Variants in TLE1 observed in about 807,000 individuals in gnomAD.
TLE1 encodes transducin-like enhancer protein 1.
A neutral mutation model predicts 89.8 loss-of-function variants in TLE1; 21 were observed. The ratio of observed to expected loss-of-function variants is 0.23; its 90% confidence interval spans 0.17 to 0.34. The LOEUF (loss-of-function observed/expected upper bound fraction) is 0.34, where lower values mean the gene tolerates loss of function less well. TLE1 is among the 10% of genes least tolerant of loss of function. The pLI is 1.00. For synonymous variants in TLE1, 447 were observed against 407.6 expected (o/e 1.10, Z -1.16); for missense variants, 795 against 1,031.2 (o/e 0.77, Z 3.14).
At chr9:81,659,822 A>C (rs116744195) in intron 4 of TLE1, among the ~76,000 whole-genome samples, 5,010 of 152,184 alleles carry the variant, frequency 0.033, 250 homozygotes, top group African/African-American at 0.1. Context: ...TCTACTTGAG[A>C]GTTTCATCAA....
chr9:81,591,945 C>T (rs1266752547), intron 15 of TLE1, among the ~76,000 whole-genome samples: 1 of 152,208 alleles, frequency 6.6e-6, no homozygotes, highest in Non-Finnish European at 1.5e-5. Context: ...GGGTACGTGG[C>T]ACCATCTGCA....
At chr9:81,634,323 G>A in intron 6 of TLE1, 22 bp from the exon 7 acceptor site, 1 of 1,463,078 alleles carries the variant, frequency 6.8e-7, no homozygotes, top group Admixed American at 2.3e-5. Flanking sequence ...GGTGGTGAGA[G>A]AGAAAAAGGA....
chr9:81,651,483 T>A (rs762008562), intron 6 of TLE1, among the ~76,000 whole-genome samples: 3 of 151,998 alleles, frequency 2.0e-5, no homozygotes, highest in Admixed American at 6.5e-5. Context: ...AGAACCCCGG[T>A]GAAAAGCCAG....
At chr9:81,627,177 G>T (rs1274586527) in intron 8 of TLE1, among the ~76,000 whole-genome samples, 4 of 152,014 alleles carry the variant, frequency 2.6e-5, no homozygotes, top group Non-Finnish European at 5.9e-5. Context: ...AGAGTTTGTT[G>T]TCCACCTATG....
intron 8 of TLE1, among the ~76,000 whole-genome samples, chr9:81,621,889 T>C (rs529761580): frequency 6.6e-6 from 1 of 152,288 alleles, no homozygotes; most frequent in South Asian, 2.1e-4. Flanking sequence ...CTTTTATTCA[T>C]GACTGTTCAA....
In TLE1 at chr9:81,585,647, G is replaced by A; in HGVS notation, c.1986C>T (p.Ser662=). The A allele has an allele frequency of 4.3e-6, 7 of 1,613,834 alleles. No individual in the cohort carries two copies. Among genetic ancestry groups the A allele is most frequent in the Non-Finnish European group, 5.1e-6 (6 of 1,179,932 alleles). The part of the protein sequence containing the change: ...QQHDFTSQIF[S]LGYCPTGEWL... The stretch of plus-strand genomic sequence containing the variant: ...ACTCCCCGGTGGGGCAGTACCCCAG[G>A]GAGAAGATCTACAAGGAGCAAGACA... Residue 662 remains serine (S), a synonymous_variant, in exon 18 of 20, where the codon TCC becomes TCT. Transcript: ENST00000376499.
At chr9:81,613,294 A>G (rs1298662327) in intron 12 of TLE1, 83 bp downstream of exon 12, 1 of 1,548,568 alleles carries the variant, frequency 6.5e-7, no homozygotes. Flanking sequence ...TTGTAGGGCA[A>G]TTGCGTCACA....
At chr9:81,611,735 T>C in intron 13 of TLE1, 34 bp downstream of exon 13, 1 of 1,468,724 alleles carries the variant, frequency 6.8e-7, no homozygotes, top group Non-Finnish European at 9.0e-7. Flanking sequence ...GCAGCGTTCC[T>C]ACCCCAACCA....
chr9:81,652,841 T>C (rs534875711), intron 5 of TLE1, among the ~76,000 whole-genome samples: 17 of 152,296 alleles, frequency 1.1e-4, no homozygotes, highest in African/African-American at 3.8e-4. Context: ...AATCCGTTGA[T>C]TGGTTGATCA....
rs1381887440 is a variant in TLE1, at chr9:81,689,097, G to GGCCGGACCGGCCGC, written c.-871_-858dup. 3.3e-5 allele frequency: 5 copies of GGCCGGACCGGCCGC among 152,208 alleles called. No homozygotes were observed. Among genetic ancestry groups the GGCCGGACCGGCCGC allele is most frequent in the African/African-American group, 1.2e-4 (5 of 41,436 alleles). The allele number at this position is 152,208 out of a possible 1,614,324, so 9.4% of individuals were successfully genotyped here. A position where few individuals can be genotyped will look rare whatever the true frequency, so the allele number is the denominator to read the frequency against. ...CGCCTCGGGCGCACTCGCCCTGCAC[G>GGCCGGACCGGCCGC]GCCGGACCGGCCGCTCCGGACCCTT... On this transcript the variant is annotated 5_prime_UTR_variant, in exon 1 of 20. Coordinates refer to ENST00000376499, the MANE Select transcript of TLE1 (RefSeq NM_005077.5).
chr9:81,662,063 T>G (rs1830864519), intron 4 of TLE1, among the ~76,000 whole-genome samples: 1 of 152,092 alleles, frequency 6.6e-6, no homozygotes, highest in Non-Finnish European at 1.5e-5. Context: ...TGAAAAGCAT[T>G]CCATGCATGA....
chr9:81,616,578 T>C (rs1824541335), intron 10 of TLE1, 68 bp downstream of exon 10: 2 of 1,561,778 alleles, frequency 1.3e-6, no homozygotes, highest in Non-Finnish European at 1.8e-6. Flanking sequence ...CTTCATTCAC[T>C]GTTAGTTTTT....
rs773935486 is a variant in TLE1 at position 81,611,923 on chromosome 9, G to T, written c.1100C>A (p.Pro367Gln). The part of the protein sequence containing the change: ...GLRTPLAVPG[P>Q]YPAPFGMVPH... ...GACCATCCCAAAAGGAGCAGGATAT[G>T]GGCCGGGCACTGCCAGGGGTGTCCT... Residue 367 changes from proline to glutamine, a missense_variant, in exon 13 of 20, where the codon CCA becomes CAA. Physicochemically the swap from Pro to Gln is moderately conservative, Grantham distance 76 (BLOSUM62 -1). Transcript: ENST00000376499. The T allele has an allele frequency of 1.3e-6, 2 of 1,501,264 alleles. No individual in the cohort carries two copies. The highest frequency in any genetic ancestry group is 2.7e-5 in the South Asian group (2 of 75,106). The allele number at this position is 1,501,264 out of a possible 1,614,324, so 93.0% of individuals were successfully genotyped here. A position where few individuals can be genotyped will look rare whatever the true frequency, so the allele number is the denominator to read the frequency against.
chr9:81,590,559 T>C (rs1372164688), intron 16 of TLE1, among the ~76,000 whole-genome samples: 1 of 152,230 alleles, frequency 6.6e-6, no homozygotes, highest in Non-Finnish European at 1.5e-5. Flanking sequence ...TTGGAGTCTG[T>C]ATGTGGGCTG....
rs569194985 is a variant in TLE1 at position 81,622,593 on chromosome 9, G to A, written c.595-2036C>T. Among the ~76,000 whole-genome samples the A allele has an allele frequency of 3.9e-5, 6 of 152,302 alleles. No homozygotes were observed. In the East Asian group the frequency reaches 5.8e-4, roughly 15 times the overall value. On this transcript the variant is annotated intron_variant, in intron 8 of 19. Coordinates refer to ENST00000376499, the MANE Select transcript of TLE1 (RefSeq NM_005077.5). ...GACTGTCAAGCTTTGAGGCCTCTGC[G>A]TCTATGTGTTCAAAGTTACTACTGT...
At chr9:81,629,653 C>T (rs1363790501) in intron 8 of TLE1, among the ~76,000 whole-genome samples, 1 of 152,196 alleles carries the variant, frequency 6.6e-6, no homozygotes, top group Non-Finnish European at 1.5e-5. Context: ...TGTGTTTACA[C>T]AAACCTGGGT....
At chr9:81,633,642 C>T in intron 7 of TLE1, 1 of 525,910 alleles carries the variant, frequency 1.9e-6, no homozygotes, top group South Asian at 3.3e-5. Flanking sequence ...TAGTCAAGTG[C>T]AATTTTGCCC....
chr9:81,593,376 G>T, intron 14 of TLE1, 102 bp from the exon 15 acceptor site: 1 of 1,397,448 alleles, frequency 7.2e-7, no homozygotes, highest in Non-Finnish European at 9.5e-7. Context: ...TGAAAAAAAG[G>T]AAAGATTCTC....
intron 4 of TLE1, among the ~76,000 whole-genome samples, chr9:81,656,768 C>G: frequency 6.6e-6 from 1 of 152,184 alleles, no homozygotes. Flanking sequence ...ATATAGATGT[C>G]TAAGTACTAT....
Sources: gnomAD v4.1 joint callset for allele counts (sites outside exome capture counted in the v4.1 genomes callset) on GRCh38, gnomAD v4.1.1 for gene constraint, MANE v1.5 for transcripts, NCBI Gene and HGNC (gene_info 2026-07-23, HGNC 2026-07-21) for gene names.